Variants in ZFPM2 observed in about 807,000 individuals in gnomAD.
The protein encoded by ZFPM2 is zinc finger protein, FOG family member 2, also known as zinc finger protein ZFPM2.
ZFPM2 carries 20 observed loss-of-function variants against 98.6 expected under a neutral mutation model. That is an observed-to-expected ratio of 0.20 (90% CI 0.14 to 0.29). The LOEUF (loss-of-function observed/expected upper bound fraction) is 0.29, where lower values mean the gene tolerates loss of function less well. Ranked by LOEUF, ZFPM2 falls within the 10% of genes least tolerant of loss-of-function variation. ZFPM2 has a pLI of 1.00. For synonymous variants in ZFPM2, 518 were observed against 502.7 expected, an observed-to-expected ratio of 1.03 and a Z score of -0.41; for missense variants, 1,310 against 1,388.6, an observed-to-expected ratio of 0.94 and a Z score of 0.90.
chr8:105,445,405 A>G (rs1871745), intron 3 of ZFPM2, among the ~76,000 whole-genome samples: 49,969 of 151,930 alleles, frequency 0.33, 9,972 homozygotes, highest in African/African-American at 0.56. Flanking sequence ...TATTTAAAGT[A>G]CCTTATTACC....
chr8:105,403,668 A>G (rs369586418), intron 1 of ZFPM2, among the ~76,000 whole-genome samples: 5 of 151,884 alleles, frequency 3.3e-5, no homozygotes, highest in African/African-American at 1.2e-4. Context: ...TGCACTTAAC[A>G]TATACATTTT....
At chr8:105,656,025 G>A (rs1817277998) in intron 5 of ZFPM2, among the ~76,000 whole-genome samples, 2 of 151,848 alleles carry the variant, frequency 1.3e-5, no homozygotes, top group South Asian at 4.2e-4. Flanking sequence ...TACATGCCTG[G>A]CAATTTCTAG....
chr8:105,771,784 G>C (rs1213767494), intron 5 of ZFPM2, among the ~76,000 whole-genome samples: 3 of 152,102 alleles, frequency 2.0e-5, no homozygotes, highest in Non-Finnish European at 4.4e-5. Context: ...AGGGCAGAGC[G>C]AGGACTCCCT....
chr8:105,528,825 A>G (rs1814230554), intron 3 of ZFPM2: 2 of 152,184 alleles, frequency 1.3e-5, no homozygotes, highest in African/African-American at 4.8e-5. Context: ...GTATGGGCAC[A>G]ATACATACCA....
chr8:105,555,231 A>T (rs1436149155), intron 3 of ZFPM2, among the ~76,000 whole-genome samples: 2 of 152,122 alleles, frequency 1.3e-5, no homozygotes, highest in Admixed American at 6.6e-5. Context: ...TATGCCTCAA[A>T]TATTTTCTGT....
intron 4 of ZFPM2, among the ~76,000 whole-genome samples, chr8:105,575,025 A>G (rs1815434543): frequency 6.6e-6 from 1 of 152,116 alleles, no homozygotes; most frequent in Non-Finnish European, 1.5e-5. Flanking sequence ...TATTTTCAGC[A>G]AGAAACCTAG....
chr8:105,535,776 A>G (rs1814437711), intron 3 of ZFPM2, among the ~76,000 whole-genome samples: 1 of 152,190 alleles, frequency 6.6e-6, no homozygotes, highest in Admixed American at 6.5e-5. Context: ...AGAGTCATTC[A>G]TAAGCATGTT....
intron 5 of ZFPM2, among the ~76,000 whole-genome samples, chr8:105,655,469 A>C: frequency 6.6e-6 from 1 of 152,008 alleles, no homozygotes; most frequent in Admixed American, 6.6e-5. Context: ...AACCTCAGAT[A>C]ATTCGCCCAC....
chr8:105,489,571 G>T (rs1365043984), intron 3 of ZFPM2, among the ~76,000 whole-genome samples: 1 of 148,572 alleles, frequency 6.7e-6, no homozygotes, highest in Non-Finnish European at 1.5e-5. Flanking sequence ...TCATGGAACT[G>T]TCCTGCCTCA....
chr8:105,695,996 T>C (rs1392759115), intron 5 of ZFPM2, among the ~76,000 whole-genome samples: 1 of 152,244 alleles, frequency 6.6e-6, no homozygotes, highest in Admixed American at 6.5e-5. Context: ...GCCTAGATTA[T>C]ATTTTTCCCA....
At position 105,599,391 on chromosome 8, in the gene ZFPM2, T is replaced by TAAAAAA. The variant is rs71577982; in HGVS notation, c.421-34844_421-34839dup. 7.1e-4 allele frequency among the ~76,000 whole-genome samples: 97 copies of TAAAAAA among 137,394 alleles called. 2 individuals carry two copies. Among genetic ancestry groups the TAAAAAA allele is most frequent in the African/African-American group, 2.1e-3 (80 of 37,464 alleles). The allele number at this position is 137,394 out of a possible 152,430, so 90.1% of individuals were successfully genotyped here. A position where few individuals can be genotyped will look rare whatever the true frequency, so the allele number is the denominator to read the frequency against. On this transcript the variant is annotated intron_variant, in intron 4 of 7. Coordinates refer to ENST00000407775, the MANE Select transcript of ZFPM2 (RefSeq NM_012082.4). ...TCTTTTTTCTTTTTCTTTTCGTCTT[T>TAAAAAA]AAAAAAAAAAAAAAAATGAAGGCTG... is the stretch of plus-strand genomic sequence containing the variant.
intron 1 of ZFPM2, among the ~76,000 whole-genome samples, chr8:105,401,360 A>G (rs1008437238): frequency 5.9e-5 from 9 of 152,140 alleles, no homozygotes; most frequent in African/African-American, 2.2e-4. Context: ...TTGTTAGTAT[A>G]ACATTCTGCT....
At chr8:105,769,776 C>G (rs1433052312) in intron 5 of ZFPM2, among the ~76,000 whole-genome samples, 1 of 151,956 alleles carries the variant, frequency 6.6e-6, no homozygotes, top group Non-Finnish European at 1.5e-5. Context: ...TATATCCTGT[C>G]TTGACTTTTT....
rs186809202 is a variant in ZFPM2 at position 105,601,654 on chromosome 8, A to C, written c.421-32592A>C. Among the ~76,000 whole-genome samples, 102 of 152,176 alleles carry C rather than the reference A, an allele frequency of 6.7e-4. 2 individuals are homozygous for C. In the East Asian group the frequency reaches 0.018, roughly 26 times the overall value. On this transcript the variant is annotated intron_variant, in intron 4 of 7. Coordinates refer to ENST00000407775, the MANE Select transcript of ZFPM2 (RefSeq NM_012082.4). ...TCCCCCTATTTTTCTTCTATATAGG[A>C]AATAAGATGTTGGGACTAATAGGAC...
chr8:105,751,553 G>C (rs1812476053), intron 5 of ZFPM2, among the ~76,000 whole-genome samples: 1 of 152,024 alleles, frequency 6.6e-6, no homozygotes, highest in Non-Finnish European at 1.5e-5. Context: ...ATTATGCTTA[G>C]GGAAAGAAGG....
At chr8:105,777,428 A>G (rs948525721) in intron 5 of ZFPM2, among the ~76,000 whole-genome samples, 1 of 152,178 alleles carries the variant, frequency 6.6e-6, no homozygotes. Context: ...ATAATTTTTT[A>G]AAAAAATCTG....
chr8:105,767,886 A>AT (rs1224213500), intron 5 of ZFPM2, among the ~76,000 whole-genome samples: 1 of 151,778 alleles, frequency 6.6e-6, no homozygotes, highest in Non-Finnish European at 1.5e-5. Context: ...AAAAAACCCT[A>AT]TTTTTTCCTT....
intron 4 of ZFPM2, among the ~76,000 whole-genome samples, chr8:105,593,915 T>A (rs1407521518): frequency 2.6e-5 from 4 of 152,142 alleles, no homozygotes; most frequent in Non-Finnish European, 4.4e-5. Context: ...TTTATTACTT[T>A]AGCTGCTCTC....
intron 1 of ZFPM2, among the ~76,000 whole-genome samples, chr8:105,374,727 T>C (rs1241434418): frequency 6.6e-6 from 1 of 152,044 alleles, no homozygotes; most frequent in South Asian, 2.1e-4. Flanking sequence ...AAAACTCTGG[T>C]TAAGTGGACA....
Sources: allele counts gnomAD v4.1 joint callset (sites outside exome capture counted in the v4.1 genomes callset), GRCh38; gene constraint gnomAD v4.1.1; transcripts MANE v1.5; gene names NCBI Gene and HGNC (gene_info 2026-07-23, HGNC 2026-07-21).